SCUBE1: variants seen among roughly 807,000 people sequenced by gnomAD.
SCUBE1 encodes signal peptide, CUB and EGF-like domain-containing protein 1.
SCUBE1 carries 59 observed loss-of-function variants against 124.4 expected under a neutral mutation model. The ratio of observed to expected loss-of-function variants is 0.47; its 90% CI spans 0.38 to 0.59. The LOEUF (loss-of-function observed/expected upper bound fraction) is 0.59. Ranked by LOEUF, SCUBE1 falls within the 20% of genes least tolerant of loss-of-function variation. SCUBE1 has a pLI of 0.00. For missense variants in SCUBE1, 1,150 were observed against 1,371.2 expected, an observed-to-expected ratio of 0.84 and a Z score of 2.55; for synonymous variants, 545 against 550.9, an observed-to-expected ratio of 0.99 and a Z score of 0.15.
intron 1 of SCUBE1, among the ~76,000 whole-genome samples, chr22:43,339,608 A>ATT: frequency 7.6e-6 from 1 of 130,836 alleles, no homozygotes; most frequent in African/African-American, 3.2e-5. Context: ...TACTCTCCTC[A>ATT]CTCTATCCCC....
chr22:43,241,041 C>T (rs567912818), intron 6 of SCUBE1, among the ~76,000 whole-genome samples: 37 of 152,224 alleles, frequency 2.4e-4, no homozygotes, highest in African/African-American at 3.4e-4. Context: ...GTGGTGCAGG[C>T]GCTAGGGGCA....
intron 3 of SCUBE1, among the ~76,000 whole-genome samples, chr22:43,311,029 T>C (rs539779547): frequency 1.3e-5 from 2 of 152,340 alleles, no homozygotes; most frequent in Admixed American, 1.3e-4. Context: ...TCCTCCTACC[T>C]TGGCCTCCCA....
At position 43,198,263 on chromosome 22, in the gene SCUBE1, T is replaced by C; in HGVS notation, c.*5734A>G. On this transcript the variant is annotated 3_prime_UTR_variant, in exon 22 of 22. Transcript: ENST00000360835. Reference sequence around the variant, plus strand: ...GTTGGGGCTTGGGGGGTGCAGACAATTCCAGGGGGCTCACTCAGGGGCTCT... The same window carrying C: ...GTTGGGGCTTGGGGGGTGCAGACAACTCCAGGGGGCTCACTCAGGGGCTCT... 2 of 303,830 alleles carry C rather than the reference T, an allele frequency of 6.6e-6. No individual in the cohort carries two copies. Among genetic ancestry groups the C allele is most frequent in the South Asian group, 5.6e-5 (2 of 35,526 alleles). 18.8% of individuals were successfully genotyped at this position (303,830 alleles called of 1,614,324 possible). A position where few individuals can be genotyped will look rare whatever the true frequency, so the allele number is the denominator to read the frequency against.
chr22:43,315,324 C>T (rs1290683441), intron 3 of SCUBE1, among the ~76,000 whole-genome samples: 1 of 151,880 alleles, frequency 6.6e-6, no homozygotes, highest in African/African-American at 2.4e-5. Context: ...AGGAACAGGT[C>T]CCGAACTATA....
intron 6 of SCUBE1, among the ~76,000 whole-genome samples, chr22:43,244,502 C>T (rs1923128640): frequency 6.6e-6 from 1 of 152,248 alleles, no homozygotes; most frequent in South Asian, 2.1e-4. Flanking sequence ...ACCCTACCCT[C>T]TGTTGGGCCT....
chr22:43,314,984 A>G (rs1474749739), intron 3 of SCUBE1, among the ~76,000 whole-genome samples: 1 of 152,082 alleles, frequency 6.6e-6, no homozygotes, highest in Non-Finnish European at 1.5e-5. Context: ...GGGCTGGGTA[A>G]CTGTGGCTGA....
At chr22:43,312,237 C>G (rs566139958) in intron 3 of SCUBE1, among the ~76,000 whole-genome samples, 1 of 152,294 alleles carries the variant, frequency 6.6e-6, no homozygotes, top group South Asian at 2.1e-4. Flanking sequence ...GAAAGGTAAA[C>G]AAGACAAATT....
intron 15 of SCUBE1, among the ~76,000 whole-genome samples, chr22:43,215,369 C>T (rs57814137): frequency 0.18 from 27,837 of 152,136 alleles, 4,007 homozygotes; most frequent in African/African-American, 0.4. Context: ...CAGAGGTAAA[C>T]GGCCATGGCC....
chr22:43,246,984 G>A (rs1923241370), intron 6 of SCUBE1, among the ~76,000 whole-genome samples: 1 of 152,220 alleles, frequency 6.6e-6, no homozygotes, highest in African/African-American at 2.4e-5. Context: ...GAGGGGTCCA[G>A]GTTACAGGCA....
At chr22:43,285,812 A>G (rs993020848) in intron 4 of SCUBE1, among the ~76,000 whole-genome samples, 2 of 152,234 alleles carry the variant, frequency 1.3e-5, no homozygotes, top group African/African-American at 4.8e-5. Context: ...GGCTGCCCCG[A>G]GGCCAAATAG....
intron 6 of SCUBE1, among the ~76,000 whole-genome samples, chr22:43,248,605 G>A (rs1192832675): frequency 2.6e-5 from 4 of 152,222 alleles, no homozygotes; most frequent in African/African-American, 2.4e-5. Flanking sequence ...GGTGTAGCCT[G>A]ACCACCTGAT....
chr22:43,297,830 C>T (rs574502551), intron 3 of SCUBE1, among the ~76,000 whole-genome samples: 66 of 152,310 alleles, frequency 4.3e-4, no homozygotes, highest in Non-Finnish European at 6.2e-4. Flanking sequence ...CAAATATTTC[C>T]CGATTTGAAA....
At chr22:43,295,294 T>C (rs2146756474) in intron 3 of SCUBE1, among the ~76,000 whole-genome samples, 1 of 152,366 alleles carries the variant, frequency 6.6e-6, no homozygotes, top group East Asian at 1.9e-4. Flanking sequence ...AGGCCAGGCC[T>C]GCCTTCCTTC....
Position 43,255,597 on chromosome 22 carries a change from C to A in SCUBE1, c.727+2622G>T. On this transcript the variant is annotated intron_variant, in intron 6 of 21. Coordinates refer to ENST00000360835, the MANE Select transcript of SCUBE1 (RefSeq NM_173050.5). This position sits in a 1 kb window ranked among gnomAD's most constrained non-coding sequence, Gnocchi z 4.7. ...CCTTCTCTAAAACACAAGTAAGGGA[C>A]AAACACGGAGCCAGTGGTTAATGAC... The A allele has an allele frequency of 6.5e-7, 1 of 1,545,354 alleles. No homozygotes were observed. Among genetic ancestry groups the A allele is most frequent in the Non-Finnish European group, 8.8e-7 (1 of 1,142,524 alleles).
Position 43,330,892 on chromosome 22 carries a change from G to A in SCUBE1, c.220+8212C>T, listed in dbSNP as rs117252598. ...CACTTTCATCTTCGGCAGAGCACACGTTAGCATGCATAATTGCATGTTTTA... is the reference window on the plus strand; with the variant it reads ...CACTTTCATCTTCGGCAGAGCACACATTAGCATGCATAATTGCATGTTTTA... On this transcript the variant is annotated intron_variant, in intron 2 of 21. Transcript: ENST00000360835. 3.9e-5 allele frequency among the ~76,000 whole-genome samples: 6 copies of A among 152,282 alleles called. No homozygotes were observed. In the East Asian group the frequency reaches 7.7e-4, roughly 20 times the overall value.
chr22:43,297,709 T>C (rs1925615522), intron 3 of SCUBE1, among the ~76,000 whole-genome samples: 1 of 152,238 alleles, frequency 6.6e-6, no homozygotes. Context: ...TGTTTGTTTT[T>C]ATTAATAGCT....
At chr22:43,214,012 A>G in intron 16 of SCUBE1, 78 bp downstream of exon 16, 1 of 1,260,520 alleles carries the variant, frequency 7.9e-7, no homozygotes, top group Non-Finnish European at 1.1e-6. Flanking sequence ...TGGGCCTTCG[A>G]CAGGAGGGCC....
chr22:43,308,970 T>G (rs1026967715), intron 3 of SCUBE1, among the ~76,000 whole-genome samples: 3 of 152,206 alleles, frequency 2.0e-5, no homozygotes, highest in African/African-American at 7.2e-5. Flanking sequence ...GACCCCTCAG[T>G]CAACAGACAG....
chr22:43,255,434 G>T lies in SCUBE1; in HGVS notation c.727+2785C>A. 1 of 1,399,950 alleles carries T rather than the reference G, an allele frequency of 7.1e-7. No individual in the cohort carries two copies. The highest frequency in any genetic ancestry group is 9.8e-7 in the Non-Finnish European group (1 of 1,019,322). 86.7% of individuals were successfully genotyped at this position (1,399,950 alleles called of 1,614,324 possible). A position where few individuals can be genotyped will look rare whatever the true frequency, so the allele number is the denominator to read the frequency against. On this transcript the variant is annotated intron_variant, in intron 6 of 21. Transcript: ENST00000360835. The surrounding 1 kb of genome is among the most constrained non-coding windows in gnomAD (Gnocchi z 4.7). Reference sequence around the variant, plus strand: ...CAGTGCGCACCCGAGACACACATGTGCACACACACACACAAGTGCAAGTAC... The same window carrying T: ...CAGTGCGCACCCGAGACACACATGTTCACACACACACACAAGTGCAAGTAC...
Sources: gnomAD v4.1 joint callset for allele counts (sites outside exome capture counted in the v4.1 genomes callset) on GRCh38, gnomAD v4.1.1 for gene constraint, Gnocchi (gnomAD v3.1) non-coding constraint, MANE v1.5 for transcripts, NCBI Gene and HGNC (gene_info 2026-07-23, HGNC 2026-07-21) for gene names.